The following RBM25 variants were observed in gnomAD, a reference collection of about 807,000 sequenced individuals.
The protein encoded by RBM25 is RNA-binding protein 25.
A neutral mutation model predicts 120.7 loss-of-function variants in RBM25; 19 were observed. That is an observed-to-expected ratio of 0.16 (90% CI 0.11 to 0.23). The LOEUF (loss-of-function observed/expected upper bound fraction) is 0.23. Ranked by LOEUF, RBM25 falls within the 10% of genes least tolerant of loss-of-function variation. The pLI is 1.00. For synonymous variants in RBM25, 390 were observed against 326.7 expected (o/e 1.19, Z -2.09); for missense variants, 605 against 1,041.5 (o/e 0.58, Z 5.77).
At chr14:73,112,324 G>C (rs1896325417) in intron 17 of RBM25, 74 bp downstream of exon 17, 1 of 1,346,464 alleles carries the variant, frequency 7.4e-7, no homozygotes, top group Non-Finnish European at 9.8e-7. Flanking sequence ...TAAAAGAGCA[G>C]AAATTTTACA....
At chr14:73,071,794 CT>C (rs1895299757) in intron 2 of RBM25, 47 bp downstream of exon 2, 1 of 1,410,216 alleles carries the variant, frequency 7.1e-7, no homozygotes, top group Non-Finnish European at 1.0e-6. Context: ...GTACTTTTGT[CT>C]TTGTGATACT....
chr14:73,109,639 A>G (rs990535887), intron 14 of RBM25, 147 bp downstream of exon 14: 11 of 731,916 alleles, frequency 1.5e-5, no homozygotes, highest in Admixed American at 1.4e-4. Context: ...TAAAAATACA[A>G]AAGATTAGCC....
chr14:73,067,921 C>T (rs1895180417), intron 1 of RBM25, among the ~76,000 whole-genome samples: 1 of 152,040 alleles, frequency 6.6e-6, no homozygotes. Context: ...TTATATGTAT[C>T]ATTAATTCTT....
chr14:73,106,882 C>G (rs940554108), intron 12 of RBM25, among the ~76,000 whole-genome samples: 4 of 151,246 alleles, frequency 2.6e-5, no homozygotes, highest in Non-Finnish European at 5.9e-5. Flanking sequence ...GCTCTGCCAC[C>G]CAGGCTGGGG....
At chr14:73,107,664 C>A in intron 12 of RBM25, 162 bp from the exon 13 acceptor site, 1 of 590,622 alleles carries the variant, frequency 1.7e-6, no homozygotes, top group Non-Finnish European at 2.9e-6. Flanking sequence ...TTTATTGAAA[C>A]GGCCATGTTT....
chr14:73,100,789 A>G (rs947094611), intron 9 of RBM25: 1 of 152,616 alleles, frequency 6.6e-6, no homozygotes, highest in South Asian at 2.1e-4. Context: ...CACAAACACA[A>G]TGCTTTTTCA....
chr14:73,072,399 A>C (rs1895317376), intron 2 of RBM25, among the ~76,000 whole-genome samples: 1 of 152,044 alleles, frequency 6.6e-6, no homozygotes, highest in South Asian at 2.1e-4. Flanking sequence ...CTATCCCCTT[A>C]CTAAAAAGGG....
intron 2 of RBM25, among the ~76,000 whole-genome samples, chr14:73,073,503 C>T (rs1391893488): frequency 3.3e-5 from 5 of 152,272 alleles, no homozygotes; most frequent in South Asian, 4.1e-4. Context: ...GTCTGGCCAA[C>T]GTGGCAAAAT....
intron 4 of RBM25, among the ~76,000 whole-genome samples, chr14:73,078,193 C>T (rs1057385480): frequency 1.3e-5 from 2 of 152,078 alleles, no homozygotes; most frequent in African/African-American, 4.8e-5. Flanking sequence ...ATCTCAGCTA[C>T]TCGGGTGGCT....
chr14:73,071,540 T>TA, intron 1 of RBM25, 87 bp from the exon 2 acceptor site: 1 of 915,720 alleles, frequency 1.1e-6, no homozygotes, highest in Non-Finnish European at 1.7e-6. Context: ...ATTTTGCAGA[T>TA]ACTCTAAAAA....
chr14:73,117,731 CAATTTGAACCTATGTAGCCTGACTAGAG>C (rs969648742), intron 18 of RBM25, among the ~76,000 whole-genome samples: 2 of 152,128 alleles, frequency 1.3e-5, no homozygotes, highest in African/African-American at 4.8e-5. Context: ...GGCAGCAGTG[CAATTTGAACCTATGTAGCCTGACTAGAG>C]AATTTGAACC....
Position 73,083,506 on chromosome 14 carries a change from GT to G in RBM25, c.341del (p.Leu114Ter). On this transcript the variant is annotated frameshift_variant, in exon 5 of 19. Coordinates refer to ENST00000261973, the MANE Select transcript of RBM25 (RefSeq NM_021239.3). LOFTEE classifies it high-confidence loss of function. ...IRQLLAKCGL[V>X]LSWKRVQGAS... ...TTTTCTTTTTAAGAAATGTGGTTTG[GT>G]TTTGAGCTGGAAGAGAGTACAAGGT... is the stretch of plus-strand genomic sequence containing the variant. 1 of 1,576,362 alleles carries G rather than the reference GT, an allele frequency of 6.3e-7. No individual in the cohort carries two copies. The highest frequency in any genetic ancestry group is 2.4e-5 in the East Asian group (1 of 42,468).
intron 3 of RBM25, 86 bp from the exon 4 acceptor site, chr14:73,077,283 T>C (rs1275131021): frequency 1.0e-5 from 12 of 1,192,676 alleles, no homozygotes; most frequent in Non-Finnish European, 1.4e-5. Flanking sequence ...TATATATTTA[T>C]TTAATCCTGA....
At chr14:73,105,716 T>C in intron 10 of RBM25, 143 bp from the exon 11 acceptor site, 1 of 1,275,248 alleles carries the variant, frequency 7.8e-7, no homozygotes. Context: ...GTAGAGGAGG[T>C]TACATAGTTT....
intron 7 of RBM25, 117 bp from the exon 8 acceptor site, chr14:73,099,263 G>A: frequency 1.2e-6 from 1 of 862,150 alleles, no homozygotes; most frequent in Non-Finnish European, 1.8e-6. Flanking sequence ...AATCAAGAAA[G>A]CATCACAGAA....
At chr14:73,097,826 C>G (rs919676048) in intron 7 of RBM25, among the ~76,000 whole-genome samples, 1 of 152,214 alleles carries the variant, frequency 6.6e-6, no homozygotes, top group Non-Finnish European at 1.5e-5. Flanking sequence ...AGCAGTACAA[C>G]TTGAAACATT....
At chr14:73,074,372 AC>A (rs1895363388) in intron 2 of RBM25, among the ~76,000 whole-genome samples, 1 of 152,126 alleles carries the variant, frequency 6.6e-6, no homozygotes, top group South Asian at 2.1e-4. Flanking sequence ...GATGTGTGCC[AC>A]CATGACTGAC....
chr14:73,068,444 G>A, intron 1 of RBM25: 1 of 709,594 alleles, frequency 1.4e-6, no homozygotes, highest in South Asian at 1.3e-5. Flanking sequence ...CAGACTACCA[G>A]CTGTATTATC....
chr14:73,069,146 C>A (rs116418885), intron 1 of RBM25, among the ~76,000 whole-genome samples: 2,222 of 152,230 alleles, frequency 0.015, 41 homozygotes, highest in East Asian at 0.048. Context: ...TCACGTGAGC[C>A]CCCTGCTTTG....
Sources: gnomAD v4.1 joint callset for allele counts (sites outside exome capture counted in the v4.1 genomes callset) on GRCh38, gnomAD v4.1.1 for gene constraint, MANE v1.5 for transcripts, NCBI Gene and HGNC (gene_info 2026-07-23, HGNC 2026-07-21) for gene names.